Variants in DLG2 observed in about 807,000 individuals in gnomAD.
DLG2 encodes disks large homolog 2.
A neutral mutation model predicts 132.5 loss-of-function variants in DLG2; 45 were observed. The observed-to-expected ratio is 0.34, with a 90% confidence interval of 0.27 to 0.44. DLG2 has a LOEUF of 0.44. Ranked by LOEUF, DLG2 falls within the 20% of genes least tolerant of loss-of-function variation. The pLI is 1.00. For synonymous variants in DLG2, 424 were observed against 419.6 expected (o/e 1.01, Z -0.13); for missense variants, 1,045 against 1,196.9 (o/e 0.87, Z 1.87).
At chr11:85,227,710 C>A (rs2075058667) in intron 4 of DLG2, among the ~76,000 whole-genome samples, 2 of 152,072 alleles carry the variant, frequency 1.3e-5, no homozygotes, top group South Asian at 4.1e-4. Context: ...CAATGGCTTC[C>A]CATCTCATTC....
intron 7 of DLG2, among the ~76,000 whole-genome samples, chr11:84,353,474 T>C (rs1159544199): frequency 6.6e-6 from 1 of 152,138 alleles, no homozygotes; most frequent in Non-Finnish European, 1.5e-5. Context: ...CCAAGTCCTG[T>C]TGTGTCTATC....
intron 17 of DLG2, among the ~76,000 whole-genome samples, chr11:83,797,628 C>T (rs2043177278): frequency 6.6e-6 from 1 of 152,070 alleles, no homozygotes; most frequent in South Asian, 2.1e-4. Flanking sequence ...ATGCCATTCT[C>T]CTGCCTCAGC....
chr11:85,494,642 T>C (rs1411753871), intron 3 of DLG2, among the ~76,000 whole-genome samples: 3 of 151,792 alleles, frequency 2.0e-5, no homozygotes, highest in African/African-American at 7.3e-5. Flanking sequence ...GCCTTCCCTG[T>C]GTTTTATCTT....
chr11:85,295,049 A>G (rs1243476868), intron 3 of DLG2, among the ~76,000 whole-genome samples: 2 of 152,122 alleles, frequency 1.3e-5, no homozygotes, highest in Non-Finnish European at 2.9e-5. Flanking sequence ...TGTTAATGCA[A>G]ATCAGCTACC....
intron 18 of DLG2, among the ~76,000 whole-genome samples, chr11:83,703,604 G>C (rs1037930127): frequency 1.3e-5 from 2 of 152,136 alleles, no homozygotes; most frequent in African/African-American, 4.8e-5. Context: ...AGCCGAGATA[G>C]CACCACTGCA....
intron 8 of DLG2, among the ~76,000 whole-genome samples, chr11:84,184,533 T>C (rs1271282469): frequency 4.0e-5 from 6 of 151,464 alleles, no homozygotes; most frequent in Admixed American, 3.9e-4. Context: ...CTGTTCACTC[T>C]GATGGTAGTT....
intron 6 of DLG2, among the ~76,000 whole-genome samples, chr11:84,628,396 G>A (rs1204864282): frequency 1.3e-5 from 2 of 152,090 alleles, no homozygotes; most frequent in East Asian, 1.9e-4. Context: ...TACAATCTCT[G>A]CCCTTGAGAT....
At chr11:84,040,788 T>A (rs984423780) in intron 11 of DLG2, among the ~76,000 whole-genome samples, 9 of 151,636 alleles carry the variant, frequency 5.9e-5, no homozygotes, top group African/African-American at 1.2e-4. Flanking sequence ...GGGGATGGCA[T>A]TGAATCTGTA....
At chr11:85,494,203 T>C (rs1221090826) in intron 3 of DLG2, among the ~76,000 whole-genome samples, 1 of 152,204 alleles carries the variant, frequency 6.6e-6, no homozygotes, top group Admixed American at 6.5e-5. Context: ...GGGAACACCA[T>C]CACTTGAACC....
chr11:84,548,826 A>G (rs771791880), intron 6 of DLG2, among the ~76,000 whole-genome samples: 2 of 152,176 alleles, frequency 1.3e-5, no homozygotes, highest in African/African-American at 4.8e-5. Context: ...ACCAACCTCA[A>G]ATAAGCCCAA....
intron 6 of DLG2, among the ~76,000 whole-genome samples, chr11:84,801,487 C>T (rs903456143): frequency 1.3e-5 from 2 of 152,130 alleles, no homozygotes; most frequent in Non-Finnish European, 2.9e-5. Flanking sequence ...AGGAGAATGG[C>T]GTGAAGGGCG....
intron 6 of DLG2, among the ~76,000 whole-genome samples, chr11:84,866,407 T>C (rs1188532495): frequency 6.6e-6 from 1 of 152,218 alleles, no homozygotes; most frequent in East Asian, 1.9e-4. Context: ...AGATTTCACT[T>C]GGAAGTTATC....
intron 6 of DLG2, among the ~76,000 whole-genome samples, chr11:84,564,127 G>A (rs2099439827): frequency 6.6e-6 from 1 of 152,152 alleles, no homozygotes. Flanking sequence ...TTTTATCCAG[G>A]GTAAGCCTAT....
chr11:84,734,443 G>A (rs1565819479), intron 6 of DLG2, among the ~76,000 whole-genome samples: 1 of 152,084 alleles, frequency 6.6e-6, no homozygotes, highest in South Asian at 2.1e-4. Context: ...CTGTTTGTCT[G>A]TTATTGGTGT....
rs940865208 is a variant in DLG2, at chr11:84,434,813, C to T, written c.519+99757G>A. Among the ~76,000 whole-genome samples, 93 of 151,222 alleles carry T rather than the reference C, an allele frequency of 6.1e-4. 1 individual carries two copies. The highest frequency in any genetic ancestry group is 2.1e-3 in the African/African-American group (87 of 41,086). On this transcript the variant is annotated intron_variant, in intron 7 of 27. Coordinates refer to ENST00000376104, the MANE Select transcript of DLG2 (RefSeq NM_001142699.3). Reference sequence around the variant, plus strand: ...TAATTATTAAGAGCTTTTCAATTAACCCCAACCTTGAGGAAAATACTTTTC... The same window carrying T: ...TAATTATTAAGAGCTTTTCAATTAATCCCAACCTTGAGGAAAATACTTTTC...
chr11:84,122,728 CA>C (rs1403532179), intron 9 of DLG2, among the ~76,000 whole-genome samples: 9 of 152,246 alleles, frequency 5.9e-5, no homozygotes, highest in Admixed American at 1.3e-4. Context: ...TAAAATGAGG[CA>C]GAAAATTACA....
chr11:84,387,454 TCA>T (rs1205144127), intron 7 of DLG2, among the ~76,000 whole-genome samples: 2 of 152,076 alleles, frequency 1.3e-5, no homozygotes, highest in Non-Finnish European at 2.9e-5. Flanking sequence ...TACAATCTCC[TCA>T]CAAAAAAATA....
intron 3 of DLG2, among the ~76,000 whole-genome samples, chr11:85,370,119 A>T (rs1481350195): frequency 6.6e-6 from 1 of 152,230 alleles, no homozygotes; most frequent in Non-Finnish European, 1.5e-5. Flanking sequence ...TGGAACTGAC[A>T]TACGGAACTA....
At chr11:84,505,716 G>A (rs1388021349) in intron 7 of DLG2, among the ~76,000 whole-genome samples, 1 of 152,036 alleles carries the variant, frequency 6.6e-6, no homozygotes, top group Non-Finnish European at 1.5e-5. Flanking sequence ...AGTAGCAATA[G>A]TAAAAAGAAA....
Sources: allele counts gnomAD v4.1 joint callset (sites outside exome capture counted in the v4.1 genomes callset), GRCh38; gene constraint gnomAD v4.1.1; transcripts MANE v1.5; gene names NCBI Gene and HGNC (gene_info 2026-07-23, HGNC 2026-07-21).